Variants in ZBTB21 observed in about 807,000 individuals in gnomAD.
The protein encoded by ZBTB21 is zinc finger and BTB domain-containing protein 21.
In ZBTB21, 10 loss-of-function variants were observed where a neutral mutation model predicts 39.8. That is an observed-to-expected ratio of 0.25 (90% CI 0.16 to 0.43). The LOEUF (loss-of-function observed/expected upper bound fraction) is 0.43, where lower values mean the gene tolerates loss of function less well. Ranked by LOEUF, ZBTB21 falls within the 20% of genes least tolerant of loss-of-function variation. The probability of loss-of-function intolerance (pLI) is 1.00; values close to 1 mark genes in which losing one functional copy is unlikely to be tolerated. For missense variants in ZBTB21, 1,221 were observed against 1,296.3 expected (o/e 0.94, Z 0.89); for synonymous variants, 551 against 498.8 (o/e 1.10, Z -1.40).
chr21:42,003,109 C>A (rs2065837488), intron 1 of ZBTB21, 148 bp from the exon 2 acceptor site: 1 of 152,282 alleles, frequency 6.6e-6, no homozygotes, highest in Non-Finnish European at 1.5e-5. Context: ...GATGACTCAA[C>A]CTTTCTGACT....
At chr21:42,005,126 T>C (rs527590576) in intron 1 of ZBTB21, among the ~76,000 whole-genome samples, 4 of 152,346 alleles carry the variant, frequency 2.6e-5, no homozygotes, top group South Asian at 4.1e-4. Flanking sequence ...TACTCCAACA[T>C]AGTTCAAGCT....
chr21:41,991,766 C>T lies in ZBTB21; in HGVS notation c.2330G>A (p.Cys777Tyr), dbSNP rs1459174790. 6 of 1,614,208 alleles carry T rather than the reference C, an allele frequency of 3.7e-6. No individual in the cohort carries two copies. Among genetic ancestry groups the T allele is most frequent in the Non-Finnish European group, 5.1e-6 (6 of 1,180,030 alleles). ...ESKCEYKKLT[C>Y]LECMRTFKSS... ...CTTGAAGGTGCGCATGCACTCGAGG[C>T]AGGTCAGCTTCTTATACTCACACTT... The change falls in exon 3 of 3, where the codon TGC becomes TAC. Residue 777 changes from cysteine (C) to tyrosine (Y), a missense_variant. Physicochemically the swap from Cys to Tyr is radical, Grantham distance 194. Transcript: ENST00000310826. The surrounding 1 kb of genome is among the most constrained non-coding windows in gnomAD (Gnocchi z 4.9).
In ZBTB21 at chr21:41,991,397, G is replaced by A. The variant is rs375162411; in HGVS notation, c.2699C>T (p.Ala900Val). The A allele has an allele frequency of 5.6e-6, 9 of 1,607,778 alleles. No individual in the cohort carries two copies. Among genetic ancestry groups the A allele is most frequent in the Non-Finnish European group, 7.6e-6 (9 of 1,177,240 alleles). The change falls in exon 3 of 3, where the codon GCG becomes GTG. Residue 900 changes from alanine (A) to valine (V), a missense_variant. Ala to Val is a moderately conservative substitution (Grantham distance 64, BLOSUM62 0). Transcript: ENST00000310826. This position sits in a 1 kb window ranked among gnomAD's most constrained non-coding sequence, Gnocchi z 4.9. ...APEASTAPKEAGPSKEASLWP... is the reference protein window; with the variant it reads ...APEASTAPKEVGPSKEASLWP... ...CAGGCTGGCTTCTTTGCTAGGACCC[G>A]CTTCTTTGGGGGCTGTGCTGGCCTC...
At chr21:42,006,397 G>C (rs1450091037) in intron 1 of ZBTB21, among the ~76,000 whole-genome samples, 1 of 151,130 alleles carries the variant, frequency 6.6e-6, no homozygotes, top group Non-Finnish European at 1.5e-5. Context: ...TCACCACTGG[G>C]TGACAGCTGA....
Position 42,010,106 on chromosome 21 carries a change from C to A in ZBTB21, c.-79+146G>T, listed in dbSNP as rs985650927. The A allele has an allele frequency of 2.8e-5, 11 of 387,626 alleles. No homozygotes were observed. In the East Asian group the frequency reaches 4.0e-4, roughly 14 times the overall value. 24.0% of individuals were successfully genotyped at this position (387,626 alleles called of 1,614,324 possible). On this transcript the variant is annotated intron_variant, in intron 1 of 2. Coordinates refer to ENST00000310826, the MANE Select transcript of ZBTB21 (RefSeq NM_001098402.2). ...GGTCCCGCGCACGCGCAGAAGCGCTCGGAGCCCGCAACCCGCTGGTGGAGA... is the reference window on the plus strand; with the variant it reads ...GGTCCCGCGCACGCGCAGAAGCGCTAGGAGCCCGCAACCCGCTGGTGGAGA...
chr21:41,998,190 T>G (rs1321806780), intron 2 of ZBTB21, among the ~76,000 whole-genome samples: 2 of 150,884 alleles, frequency 1.3e-5, no homozygotes, highest in African/African-American at 4.9e-5. Context: ...CTCATCCTTT[T>G]CATTTTTTTT....
chr21:42,010,265 C>G lies in ZBTB21; in HGVS notation c.-92G>C, dbSNP rs1220366906. ...ACAGTTACTCACCGGTCTTCAGTCT[C>G]GAGGCAGACGCCGGGCCCCTTTCCG... On this transcript the variant is annotated 5_prime_UTR_variant, in exon 1 of 3. Coordinates refer to ENST00000310826, the MANE Select transcript of ZBTB21 (RefSeq NM_001098402.2). 1.3e-5 allele frequency: 5 copies of G among 398,266 alleles called. No individual in the cohort carries two copies. Among genetic ancestry groups the G allele is most frequent in the Non-Finnish European group, 2.2e-5 (5 of 225,910 alleles). 24.7% of individuals were successfully genotyped at this position (398,266 alleles called of 1,614,324 possible).
At position 41,992,148 on chromosome 21, in the gene ZBTB21, T is replaced by C; in HGVS notation, c.1948A>G (p.Ser650Gly). The C allele has an allele frequency of 1.2e-6, 2 of 1,614,254 alleles. No individual in the cohort carries two copies. The highest frequency in any genetic ancestry group is 2.2e-5 in the East Asian group (1 of 44,884). The change falls in exon 3 of 3, where the codon AGT (serine) becomes GGT (glycine). Residue 650 changes from serine to glycine, a missense_variant. Transcript: ENST00000310826. This position sits in a 1 kb window ranked among gnomAD's most constrained non-coding sequence, Gnocchi z 4.1. ...ATGACTTGCTGTGCTTGGGAGCTAC[T>C]CTGTCCCTGAAAACCAGGCTTGCCG... ...RRGKPGFQGQ[S>G]SSQAQQVIKR...
rs767916697 is a variant in ZBTB21 at position 41,991,797 on chromosome 21, C to G, written c.2299G>C (p.Glu767Gln). The part of the protein sequence containing the change: ...FFSPELKQEH[E>Q]SKCEYKKLTC... ...AGCTTCTTATACTCACACTTGCTCT[C>G]GTGTTCTTGCTTCAGCTCGGGCGAG... Residue 767 changes from glutamate to glutamine, a missense_variant, in exon 3 of 3, where the codon GAG (glutamate) becomes CAG (glutamine). By Grantham distance (29) the Glu-to-Gln change is conservative (BLOSUM62 2). This residue lies in a region of ZBTB21 where 523 missense variants were observed against 542.5 expected (regional missense o/e 0.96). Coordinates refer to ENST00000310826, the MANE Select transcript of ZBTB21 (RefSeq NM_001098402.2). This position sits in a 1 kb window ranked among gnomAD's most constrained non-coding sequence, Gnocchi z 4.9. 6.2e-7 allele frequency: 1 copy of G among 1,614,216 alleles called. No individual in the cohort carries two copies. Among genetic ancestry groups the G allele is most frequent in the Non-Finnish European group, 8.5e-7 (1 of 1,180,046 alleles).
chr21:41,990,998 G>A lies in ZBTB21; in HGVS notation c.3098C>T (p.Pro1033Leu). 5 of 1,558,516 alleles carry A rather than the reference G, an allele frequency of 3.2e-6. No homozygotes were observed. The highest frequency in any genetic ancestry group is 4.3e-6 in the Non-Finnish European group (5 of 1,154,818). The change falls in exon 3 of 3, where the codon CCC becomes CTC. Residue 1033 changes from proline to leucine, a missense_variant. Coordinates refer to ENST00000310826, the MANE Select transcript of ZBTB21 (RefSeq NM_001098402.2). ...TCTTTTAAATGTGATTGCTGAAAGG[G>A]GTGGGGCATGGTAAAAAAGGGTGTC... is the stretch of plus-strand genomic sequence containing the variant. Reference protein sequence around the residue: ...ESDTLFYHAPPLSAITFKRQF... With the variant: ...ESDTLFYHAPLLSAITFKRQF...
intron 1 of ZBTB21, among the ~76,000 whole-genome samples, chr21:42,006,394 T>C (rs891355108): frequency 1.3e-5 from 2 of 150,786 alleles, no homozygotes; most frequent in African/African-American, 4.9e-5. Context: ...CAGTCACCAC[T>C]GGGTGACAGC....
rs139025526 is a variant in ZBTB21 at position 41,993,154 on chromosome 21, G to C, written c.942C>G (p.Gly314=). 8.9e-5 allele frequency: 143 copies of C among 1,614,090 alleles called. No individual in the cohort carries two copies. The African/African-American group carries it at 1.7e-3, about 19-fold the overall frequency. The change falls in exon 3 of 3, where the codon GGC becomes GGG. Residue 314 remains glycine, a synonymous_variant. Transcript: ENST00000310826. ...CAGATCCACTGGATGGGATCACTAA[G>C]CCTAACTTTGAATAGTACAACAAGT... ...DRNLLYYSKL[G]LVIPSSGSGS... is the part of the protein sequence containing the mutation.
Position 41,991,617 on chromosome 21 carries a change from G to C in ZBTB21, c.2479C>G (p.Gln827Glu). The change falls in exon 3 of 3, where the codon CAA (glutamine) becomes GAA (glutamate). Residue 827 changes from glutamine (Q) to glutamate (E), a missense_variant. Physicochemically the swap from Gln to Glu is conservative, Grantham distance 29 (BLOSUM62 2). Around this residue, in one of 4 missense-constraint regions of ZBTB21, gnomAD observed 523 missense variants for 542.5 expected, o/e 0.96. Transcript: ENST00000310826. The surrounding 1 kb of genome is among the most constrained non-coding windows in gnomAD (Gnocchi z 4.9). Reference sequence around the variant, plus strand: ...ACTTTGTTGGGCTCAGGCTGGGATTGGGGCCTTGAAGAACCAGTCACATCA... The same window carrying C: ...ACTTTGTTGGGCTCAGGCTGGGATTCGGGCCTTGAAGAACCAGTCACATCA... ...NGDVTGSSRP[Q>E]SQPEPNKVNH... 1.2e-6 allele frequency: 2 copies of C among 1,614,176 alleles called. No individual in the cohort carries two copies. Among genetic ancestry groups the C allele is most frequent in the Non-Finnish European group, 1.7e-6 (2 of 1,180,036 alleles).
Position 41,991,713 on chromosome 21 carries a change from C to G in ZBTB21, c.2383G>C (p.Val795Leu). ...KSSFSIWRHQVEVHNQNNMAP... is the reference protein window; with the variant it reads ...KSSFSIWRHQLEVHNQNNMAP... ...ATGTTGTTCTGATTATGGACTTCAACCTGGTGCCGCCAGATGCTGAAAGAG... is the reference window on the plus strand; with the variant it reads ...ATGTTGTTCTGATTATGGACTTCAAGCTGGTGCCGCCAGATGCTGAAAGAG... Residue 795 changes from valine to leucine, a missense_variant, in exon 3 of 3, where the codon GTT becomes CTT. Transcript: ENST00000310826. The surrounding 1 kb of genome is among the most constrained non-coding windows in gnomAD (Gnocchi z 4.9). 1 of 1,614,176 alleles carries G rather than the reference C, an allele frequency of 6.2e-7. No homozygotes were observed. Among genetic ancestry groups the G allele is most frequent in the Non-Finnish European group, 8.5e-7 (1 of 1,180,038 alleles).
chr21:41,997,359 T>A (rs965498815), intron 2 of ZBTB21, among the ~76,000 whole-genome samples: 4 of 152,092 alleles, frequency 2.6e-5, no homozygotes, highest in African/African-American at 9.7e-5. Context: ...GCAGGTCACT[T>A]GAGGTCAGGA....
intron 2 of ZBTB21, among the ~76,000 whole-genome samples, chr21:42,000,633 T>C (rs1360804614): frequency 4.2e-4 from 64 of 152,228 alleles, no homozygotes; most frequent in South Asian, 4.1e-4. Flanking sequence ...TTTCCTTCTT[T>C]ATGCATTATT....
In ZBTB21 at chr21:41,989,397, T is replaced by C. The variant is rs1291536729; in HGVS notation, c.*1498A>G. The C allele has an allele frequency of 2.6e-5, 4 of 152,154 alleles. No homozygotes were observed. Among genetic ancestry groups the C allele is most frequent in the Admixed American group, 2.6e-4 (4 of 15,276 alleles). The allele number at this position is 152,154 out of a possible 1,614,324, so 9.4% of individuals were successfully genotyped here. Reference sequence around the variant, plus strand: ...ATCTAAAATTATTTCTTAATGACAGTAGTTGGCTTTTAAAAAAAATTTGAA... The same window carrying C: ...ATCTAAAATTATTTCTTAATGACAGCAGTTGGCTTTTAAAAAAAATTTGAA... On this transcript the variant is annotated 3_prime_UTR_variant, in exon 3 of 3. Transcript: ENST00000310826.
chr21:41,996,329 G>T (rs2065746211), intron 2 of ZBTB21, among the ~76,000 whole-genome samples: 1 of 152,202 alleles, frequency 6.6e-6, no homozygotes, highest in South Asian at 2.1e-4. Flanking sequence ...TAAGACCATG[G>T]GAGCCCACCT....
chr21:42,009,854 G>A (rs2065937457), intron 1 of ZBTB21, among the ~76,000 whole-genome samples: 1 of 152,148 alleles, frequency 6.6e-6, no homozygotes. Flanking sequence ...ACAGGAGAAC[G>A]CGCCCTTCTC....
Sources: allele counts gnomAD v4.1 joint callset (sites outside exome capture counted in the v4.1 genomes callset), GRCh38; gene constraint gnomAD v4.1.1; regional missense constraint gnomAD v4.1.1; non-coding constraint Gnocchi (gnomAD v3.1); transcripts MANE v1.5; gene names NCBI Gene and HGNC (gene_info 2026-07-23, HGNC 2026-07-21).